RNF121: variants seen among roughly 807,000 people sequenced by gnomAD.
The protein encoded by RNF121 is E3 ubiquitin ligase RNF121.
RNF121 carries 21 observed loss-of-function variants against 46.5 expected under a neutral mutation model. The observed-to-expected ratio is 0.45, with a 90% CI of 0.32 to 0.65. The LOEUF is 0.65. RNF121 is among the 30% of genes least tolerant of loss of function. The pLI is 0.04. For synonymous variants in RNF121, 139 were observed against 144.7 expected (o/e 0.96, Z 0.28); for missense variants, 346 against 416.0 (o/e 0.83, Z 1.46).
chr11:71,995,649 C>T (rs1386981497), intron 8 of RNF121, 98 bp downstream of exon 8: 8 of 883,998 alleles, frequency 9.0e-6, no homozygotes, highest in South Asian at 1.5e-5. Context: ...CTCACTTCTG[C>T]CCCCAACCAG....
intron 6 of RNF121, among the ~76,000 whole-genome samples, chr11:71,992,731 C>G (rs865982704): frequency 6.6e-6 from 1 of 152,162 alleles, no homozygotes; most frequent in Non-Finnish European, 1.5e-5. Flanking sequence ...GTACCTTTCA[C>G]TGAGATAGGA....
chr11:71,960,744 T>G lies in RNF121; in HGVS notation c.102-6T>G, dbSNP rs780894617. 1 of 1,612,004 alleles carries G rather than the reference T, an allele frequency of 6.2e-7. No homozygotes were observed. Among genetic ancestry groups the G allele is most frequent in the East Asian group, 2.2e-5 (1 of 44,844 alleles). On this transcript the variant is annotated splice_region_variant and splice_polypyrimidine_tract_variant and intron_variant, in intron 2 of 8. Coordinates refer to ENST00000361756, the MANE Select transcript of RNF121 (RefSeq NM_018320.5). ...ACTTGATTCACCCCATGTGTTTGGCTTTCAGGGTCGAGCACGCACGCATGC... is the reference window on the plus strand; with the variant it reads ...ACTTGATTCACCCCATGTGTTTGGCGTTCAGGGTCGAGCACGCACGCATGC...
At chr11:71,972,508 T>A (rs1236897793) in intron 3 of RNF121, among the ~76,000 whole-genome samples, 1 of 152,190 alleles carries the variant, frequency 6.6e-6, no homozygotes, top group Non-Finnish European at 1.5e-5. Context: ...CAATGACCAC[T>A]GAGTGGAAAA....
chr11:71,956,567 A>G (rs577571379), intron 1 of RNF121, among the ~76,000 whole-genome samples: 1 of 152,354 alleles, frequency 6.6e-6, no homozygotes, highest in South Asian at 2.1e-4. Flanking sequence ...TCGCTAGTTA[A>G]TAGCAGCAGG....
chr11:71,956,263 T>C (rs1312139921), intron 1 of RNF121, among the ~76,000 whole-genome samples: 1 of 152,174 alleles, frequency 6.6e-6, no homozygotes, highest in Non-Finnish European at 1.5e-5. Context: ...TCAAAGAACA[T>C]TTTCAGCTCA....
chr11:71,938,856 C>G (rs1953489755), intron 1 of RNF121: 1 of 152,436 alleles, frequency 6.6e-6, no homozygotes, highest in Non-Finnish European at 1.5e-5. Flanking sequence ...TTGGGTGCTT[C>G]ATGCACCTGG....
chr11:71,954,385 A>G lies in RNF121; in HGVS notation c.64-2842A>G, dbSNP rs531252240. ...TCCATGAAGTGCTAATGATCCTCTA[A>G]GCCTCAAGTCTAGTCTCAGCCTTAG... On this transcript the variant is annotated intron_variant, in intron 1 of 8. Coordinates refer to ENST00000361756, the MANE Select transcript of RNF121 (RefSeq NM_018320.5). 6.6e-4 allele frequency among the ~76,000 whole-genome samples: 100 copies of G among 152,294 alleles called. 1 individual carries two copies. Among genetic ancestry groups the G allele is most frequent in the Non-Finnish European group, 5.9e-4 (40 of 68,022 alleles).
intron 5 of RNF121, among the ~76,000 whole-genome samples, chr11:71,990,330 A>C (rs569308842): frequency 6.6e-6 from 1 of 152,196 alleles, no homozygotes; most frequent in Non-Finnish European, 1.5e-5. Flanking sequence ...TAGGGGAGGC[A>C]AGGACTAAGA....
Position 71,975,172 on chromosome 11 carries a change from C to G in RNF121, c.244-7589C>G, listed in dbSNP as rs553641412. 2.0e-5 allele frequency among the ~76,000 whole-genome samples: 3 copies of G among 152,200 alleles called. No individual in the cohort carries two copies. In the South Asian group the frequency reaches 6.2e-4, roughly 32 times the overall value. The stretch of plus-strand genomic sequence containing the variant: ...AAAGTACTGTAGATTTTTCTTAGAC[C>G]AAGATATTAGGATTACTAGAATGTG... On this transcript the variant is annotated intron_variant, in intron 3 of 8. Transcript: ENST00000361756.
At chr11:71,949,747 A>C (rs936141409) in intron 1 of RNF121, among the ~76,000 whole-genome samples, 19 of 152,206 alleles carry the variant, frequency 1.2e-4, no homozygotes, top group African/African-American at 3.6e-4. Flanking sequence ...CTGTAATCCC[A>C]GCACTTTGGG....
chr11:71,932,605 T>C (rs1382501445), intron 1 of RNF121, among the ~76,000 whole-genome samples: 1 of 152,234 alleles, frequency 6.6e-6, no homozygotes, highest in Non-Finnish European at 1.5e-5. Flanking sequence ...TTTATTAGTA[T>C]TCCCTATTTG....
At chr11:71,974,131 C>T (rs112200962) in intron 3 of RNF121, among the ~76,000 whole-genome samples, 1,923 of 152,164 alleles carry the variant, frequency 0.013, 38 homozygotes, top group African/African-American at 0.041. Context: ...TTAGTAGAGA[C>T]GGGGTTTCAC....
At chr11:71,947,487 A>AG (rs1219715541) in intron 1 of RNF121, among the ~76,000 whole-genome samples, 3 of 151,682 alleles carry the variant, frequency 2.0e-5, no homozygotes, top group Admixed American at 6.6e-5. Context: ...CTGTCTCAAA[A>AG]AAAAAAAAGG....
chr11:71,946,867 C>CTTTTTTT lies in RNF121; in HGVS notation c.64-10346_64-10340dup, dbSNP rs34778760. The stretch of plus-strand genomic sequence containing the variant: ...AGCTGGGATTACAGGTGCTCTGGCT[C>CTTTTTTT]TTTTTTTTTTTTTTTTTTTTGAGAC... On this transcript the variant is annotated intron_variant, in intron 1 of 8. Coordinates refer to ENST00000361756, the MANE Select transcript of RNF121 (RefSeq NM_018320.5). 9.1e-4 allele frequency among the ~76,000 whole-genome samples: 90 copies of CTTTTTTT among 98,398 alleles called. 6 individuals carry two copies. Among genetic ancestry groups the CTTTTTTT allele is most frequent in the East Asian group, 3.6e-3 (11 of 3,080 alleles). 64.6% of individuals were successfully genotyped at this position (98,398 alleles called of 152,430 possible). A position where few individuals can be genotyped will look rare whatever the true frequency, so the allele number is the denominator to read the frequency against.
intron 1 of RNF121, among the ~76,000 whole-genome samples, chr11:71,932,913 A>G (rs981772909): frequency 6.6e-6 from 1 of 152,160 alleles, no homozygotes; most frequent in Non-Finnish European, 1.5e-5. Flanking sequence ...TTCAGGAGGG[A>G]TGATTAGCCT....
chr11:71,935,198 G>GT (rs1385274503), intron 1 of RNF121, among the ~76,000 whole-genome samples: 1 of 152,140 alleles, frequency 6.6e-6, no homozygotes. Context: ...CTCCCAAAGT[G>GT]TTGGGATTAC....
At chr11:71,966,931 G>T (rs1954290093) in intron 3 of RNF121, among the ~76,000 whole-genome samples, 1 of 149,052 alleles carries the variant, frequency 6.7e-6, no homozygotes, top group African/African-American at 2.4e-5. Context: ...GACTGCAGAG[G>T]CGCAATCTCG....
At chr11:71,933,950 A>T (rs1404858274) in intron 1 of RNF121, among the ~76,000 whole-genome samples, 1 of 152,182 alleles carries the variant, frequency 6.6e-6, no homozygotes, top group Non-Finnish European at 1.5e-5. Context: ...GAATTGAGTT[A>T]TTGGATGAAA....
chr11:71,962,672 A>G (rs1954164536), intron 3 of RNF121, among the ~76,000 whole-genome samples: 1 of 152,226 alleles, frequency 6.6e-6, no homozygotes, highest in African/African-American at 2.4e-5. Context: ...ACACTGAGAA[A>G]CTTAAACTCA....
Sources: allele counts gnomAD v4.1 joint callset (sites outside exome capture counted in the v4.1 genomes callset), GRCh38; gene constraint gnomAD v4.1.1; transcripts MANE v1.5; gene names NCBI Gene and HGNC (gene_info 2026-07-23, HGNC 2026-07-21).